Variants in RTP2 observed in about 807,000 individuals in gnomAD.
RTP2 encodes receptor-transporting protein 2.
Under a neutral mutation model 17.9 loss-of-function variants are expected in RTP2, and 12 were observed. That is an observed-to-expected ratio of 0.67 (90% CI 0.43 to 1.09). The LOEUF is 1.09. Among genes scored for constraint, RTP2 ranks in the 50% least tolerant of loss-of-function variants. The pLI is 0.00. For missense variants in RTP2, 327 were observed against 295.7 expected, an observed-to-expected ratio of 1.11 and a Z score of -0.78; for synonymous variants, 126 against 117.7, an observed-to-expected ratio of 1.07 and a Z score of -0.46.
the RTP2 span, among the ~76,000 whole-genome samples, chr3:187,710,399 A>C: frequency 1.6e-4 from 23 of 140,854 alleles, no homozygotes; most frequent in Non-Finnish European, 3.1e-4. Flanking sequence ...ATATATATAT[A>C]TCATATATTA....
chr3:187,698,530 G>C (rs1255170854), exon 2 of RTP2: 1 of 1,613,060 alleles, frequency 6.2e-7, no homozygotes, highest in Non-Finnish European at 8.5e-7. Flanking sequence ...AAGGAGAACT[G>C]CAGGTAAACA....
chr3:187,698,940 T>C, exon 2 of RTP2: 1 of 1,607,836 alleles, frequency 6.2e-7, no homozygotes, highest in Non-Finnish European at 8.5e-7. Flanking sequence ...CTGGGCGCGG[T>C]CCAGGAACAT....
chr3:187,701,879 G>T, intron 1 of RTP2, 86 bp downstream of exon 1: 2 of 841,208 alleles, frequency 2.4e-6, no homozygotes, highest in South Asian at 5.8e-5. Flanking sequence ...ATAAGCCCGC[G>T]ACTGGGCTCT....
At chr3:187,707,975 T>C in the RTP2 span, among the ~76,000 whole-genome samples, 1 of 152,226 alleles carries the variant, frequency 6.6e-6, no homozygotes, top group African/African-American at 2.4e-5. Context: ...AATTGAAACC[T>C]ACTGGATTAA....
chr3:187,715,488 T>A, the RTP2 span: 1 of 331,694 alleles, frequency 3.0e-6, no homozygotes, highest in South Asian at 2.3e-5. Flanking sequence ...AGCACTGAGG[T>A]TTCTGGAAAT....
In RTP2 at chr3:187,699,342, C is replaced by T. The variant is rs76561662; in HGVS notation, c.165-331G>A. 5.7e-4 allele frequency among the ~76,000 whole-genome samples: 87 copies of T among 152,304 alleles called. 1 individual carries two copies. In the East Asian group the frequency reaches 0.016, roughly 29 times the overall value. The stretch of plus-strand genomic sequence containing the variant: ...GGGCGCTGTGCAGGGTCATCCCCCC[C>T]TCTCTGGGCTTCATTTCTCATTTGT... On this transcript the variant is annotated intron_variant, in intron 1 of 1. Transcript: ENST00000358241.
chr3:187,699,760 CACACACACACACACACACACACATAT>C (rs1717796815), intron 1 of RTP2, among the ~76,000 whole-genome samples: 1 of 91,414 alleles, frequency 1.1e-5, no homozygotes, highest in African/African-American at 3.5e-5. Flanking sequence ...CACACACACA[CACACACACACACACACACACACATAT>C]ATTTTCTCTC....
exon 2 of RTP2, chr3:187,698,724 C>A (rs145717807): frequency 6.2e-7 from 1 of 1,614,060 alleles, no homozygotes; most frequent in Non-Finnish European, 8.5e-7. Flanking sequence ...GAACTCTGCA[C>A]GATGCGGCCC....
chr3:187,708,605 G>A, the RTP2 span, among the ~76,000 whole-genome samples: 1 of 152,198 alleles, frequency 6.6e-6, no homozygotes, highest in East Asian at 1.9e-4. Flanking sequence ...CAGAAGCTGG[G>A]CAAAGAAATA....
the RTP2 span, among the ~76,000 whole-genome samples, chr3:187,711,801 G>A: frequency 3.9e-5 from 6 of 152,186 alleles, no homozygotes; most frequent in African/African-American, 9.7e-5. Flanking sequence ...AGTGGGTTCC[G>A]AAGAGGATCA....
chr3:187,698,395 C>T (rs755434667), exon 2 of RTP2: 13 of 1,018,164 alleles, frequency 1.3e-5, no homozygotes, highest in South Asian at 1.7e-5. Context: ...GAGAGGTGAC[C>T]GGATTGTCCA....
chr3:187,702,649 G>A, upstream of RTP2: 2 of 452,802 alleles, frequency 4.4e-6, no homozygotes, highest in South Asian at 3.1e-5. Context: ...CATGTGCCTA[G>A]CACAAACCGC....
At chr3:187,711,394 G>A in the RTP2 span, among the ~76,000 whole-genome samples, 19 of 152,270 alleles carry the variant, frequency 1.2e-4, no homozygotes, top group African/African-American at 4.1e-4. Context: ...ACTGCTCTCC[G>A]GTTAGAAGTA....
In RTP2 at chr3:187,702,526, C is replaced by T. The variant is rs1474423500; in HGVS notation, c.-398G>A. 4.3e-6 allele frequency: 2 copies of T among 460,672 alleles called. No homozygotes were observed. The highest frequency in any genetic ancestry group is 2.0e-5 in the African/African-American group (1 of 50,262). 28.5% of individuals were successfully genotyped at this position (460,672 alleles called of 1,614,324 possible). A position where few individuals can be genotyped will look rare whatever the true frequency, so the allele number is the denominator to read the frequency against. On this transcript the variant is annotated 5_prime_UTR_variant, in exon 1 of 2. The change creates a new upstream start codon in the 5' untranslated region. Coordinates refer to ENST00000358241, the Ensembl canonical transcript of RTP2. ...CCAACTGCTCTTCTAGCATTCTCCA[C>T]ATCATGTGCTATGGTAAGTACGACA...
chr3:187,701,926 G>C (rs1459800799), intron 1 of RTP2, 39 bp downstream of exon 1: 2 of 1,531,444 alleles, frequency 1.3e-6, no homozygotes, highest in Admixed American at 1.9e-5. Flanking sequence ...CTGTGACCCA[G>C]GGGCTGTCTG....
At chr3:187,715,095 G>A in the RTP2 span, among the ~76,000 whole-genome samples, 1 of 152,106 alleles carries the variant, frequency 6.6e-6, no homozygotes, top group Admixed American at 6.5e-5. Flanking sequence ...GACTTCCATG[G>A]CCCTGCTGTC....
the RTP2 span, among the ~76,000 whole-genome samples, chr3:187,713,185 G>A: frequency 6.6e-6 from 1 of 152,208 alleles, no homozygotes; most frequent in African/African-American, 2.4e-5. Context: ...CCAGGGACAC[G>A]GGCCTACACT....
intron 1 of RTP2, among the ~76,000 whole-genome samples, chr3:187,701,010 T>C (rs1023380509): frequency 6.6e-6 from 1 of 152,182 alleles, no homozygotes; most frequent in Non-Finnish European, 1.5e-5. Flanking sequence ...TTCTGCACCA[T>C]GAGAAGCTTC....
At chr3:187,709,998 T>A in the RTP2 span, among the ~76,000 whole-genome samples, 1 of 152,216 alleles carries the variant, frequency 6.6e-6, no homozygotes, top group African/African-American at 2.4e-5. Flanking sequence ...TCTGGATGTG[T>A]CTGTGAGGGT....
Sources: gnomAD v4.1 joint callset for allele counts (sites outside exome capture counted in the v4.1 genomes callset) on GRCh38, gnomAD v4.1.1 for gene constraint, MANE v1.5 for transcripts, NCBI Gene and HGNC (gene_info 2026-07-23, HGNC 2026-07-21) for gene names.